SHOC1: variants seen among roughly 807,000 people sequenced by gnomAD.
The protein encoded by SHOC1 is protein shortage in chiasmata 1 ortholog.
In SHOC1, 136 loss-of-function variants were observed where a neutral mutation model predicts 179.2. The observed-to-expected ratio is 0.76, with a 90% CI of 0.66 to 0.87. The LOEUF (loss-of-function observed/expected upper bound fraction) is 0.87, where lower values mean the gene tolerates loss of function less well. SHOC1 is among the 40% of genes least tolerant of loss of function. The pLI, the probability that SHOC1 is intolerant of heterozygous loss-of-function variation, is 0.00. For missense variants in SHOC1, 1,538 were observed against 1,700.8 expected (o/e 0.90, Z 1.68); for synonymous variants, 489 against 586.6 (o/e 0.83, Z 2.41).
chr9:111,752,505 A>G (rs1193961976), intron 8 of SHOC1, among the ~76,000 whole-genome samples: 4 of 152,242 alleles, frequency 2.6e-5, no homozygotes, highest in African/African-American at 7.2e-5. Flanking sequence ...AGTTTCTGTA[A>G]TGTATCAGGT....
intron 8 of SHOC1, among the ~76,000 whole-genome samples, chr9:111,756,048 G>C (rs1353323595): frequency 6.6e-6 from 1 of 152,040 alleles, no homozygotes; most frequent in Non-Finnish European, 1.5e-5. Context: ...CTTGAACCTG[G>C]GAGGCGGAGG....
At chr9:111,712,916 G>A (rs12337339) in intron 18 of SHOC1, among the ~76,000 whole-genome samples, 184 bp downstream of exon 18, 8,693 of 152,166 alleles carry the variant, frequency 0.057, 634 homozygotes, top group African/African-American at 0.17. Context: ...TAGTGTATTT[G>A]TACTGCAAAC....
At chr9:111,702,643 T>A (rs891819453) in intron 22 of SHOC1, among the ~76,000 whole-genome samples, 3 of 152,206 alleles carry the variant, frequency 2.0e-5, no homozygotes, top group African/African-American at 7.2e-5. Flanking sequence ...TATGAGATGA[T>A]GTGCACTGCA....
chr9:111,749,041 G>A (rs1834442430), intron 8 of SHOC1, among the ~76,000 whole-genome samples: 1 of 123,188 alleles, frequency 8.1e-6, no homozygotes, highest in African/African-American at 3.1e-5. Context: ...TTCCCCAGCT[G>A]TCTGACACAT....
chr9:111,738,384 AT>A lies in SHOC1; in HGVS notation c.1312del (p.Met438TrpfsTer7), dbSNP rs1211537049. The stretch of plus-strand genomic sequence containing the variant: ...TGTATTCAGATGTTCCAATGTTTCC[AT>A]CATTTTCAGATTTAGTCCTGCTTGT... ...WKQAGLNLKM[M>X]ETLEHLNTYL... On this transcript the variant is annotated frameshift_variant, in exon 12 of 28. Transcript: ENST00000682961. LOFTEE classifies it high-confidence loss of function. The A allele has an allele frequency of 6.2e-7, 1 of 1,613,312 alleles. No individual in the cohort carries two copies. The highest frequency in any genetic ancestry group is 1.3e-5 in the African/African-American group (1 of 74,898).
chr9:111,768,378 A>G (rs1835434947), intron 5 of SHOC1, among the ~76,000 whole-genome samples: 1 of 152,066 alleles, frequency 6.6e-6, no homozygotes. Flanking sequence ...GCACACAGCC[A>G]CACCCAGCTA....
chr9:111,727,996 A>G lies in SHOC1; in HGVS notation c.1471T>C (p.Ser491Pro). 6.2e-7 allele frequency: 1 copy of G among 1,607,300 alleles called. No homozygotes were observed. ...GGAAGTGATAAATGAGCATTTGTAGATTTTTCATCAATAAGTGCAATAGGT... is the reference window on the plus strand; with the variant it reads ...GGAAGTGATAAATGAGCATTTGTAGGTTTTTCATCAATAAGTGCAATAGGT... ...SSPIALIDEK[S>P]TNAHLSLPQK... The change falls in exon 13 of 28, where the codon TCT becomes CCT. Residue 491 changes from serine (S) to proline (P), a missense_variant. Physicochemically the swap from Ser to Pro is moderately conservative, Grantham distance 74. Coordinates refer to ENST00000682961, the MANE Select transcript of SHOC1 (RefSeq NM_001378211.1).
At chr9:111,745,573 G>T (rs56993745) in intron 10 of SHOC1, among the ~76,000 whole-genome samples, 1,538 of 152,300 alleles carry the variant, frequency 0.01, 15 homozygotes, top group Middle Eastern at 0.044. Flanking sequence ...GGAGATTGGG[G>T]TATAGACAAT....
chr9:111,760,401 G>A (rs1835084120), intron 5 of SHOC1, among the ~76,000 whole-genome samples: 1 of 152,124 alleles, frequency 6.6e-6, no homozygotes, highest in Non-Finnish European at 1.5e-5. Flanking sequence ...CAGATATAAG[G>A]AGACTGTTTT....
At chr9:111,780,306 C>A (rs907744463) in intron 4 of SHOC1, among the ~76,000 whole-genome samples, 2 of 152,172 alleles carry the variant, frequency 1.3e-5, no homozygotes, top group Non-Finnish European at 1.5e-5. Context: ...GCGTTCTGTG[C>A]ATGAAGTGAA....
intron 5 of SHOC1, among the ~76,000 whole-genome samples, chr9:111,766,298 C>T (rs1353666754): frequency 2.0e-5 from 3 of 151,940 alleles, no homozygotes; most frequent in Non-Finnish European, 4.4e-5. Flanking sequence ...TATTCATCCA[C>T]TACTGGGCAC....
intron 8 of SHOC1, 136 bp from the exon 9 acceptor site, chr9:111,748,335 G>C (rs1194355759): frequency 1.6e-6 from 1 of 618,334 alleles, no homozygotes; most frequent in Non-Finnish European, 2.8e-6. Flanking sequence ...GAGAGAAGTA[G>C]AGATTTATAC....
intron 20 of SHOC1, 31 bp from the exon 21 acceptor site, chr9:111,705,395 CT>C (rs758853506): frequency 9.1e-7 from 1 of 1,096,046 alleles, no homozygotes; most frequent in South Asian, 1.8e-5. Flanking sequence ...AAATATTTCT[CT>C]TTTATTCTCA....
In SHOC1 at chr9:111,717,591, T is replaced by C. The variant is rs1832850613; in HGVS notation, c.2236+593A>G. 2.2e-5 allele frequency among the ~76,000 whole-genome samples: 3 copies of C among 138,100 alleles called. No homozygotes were observed. In the South Asian group the frequency reaches 6.6e-4, roughly 31 times the overall value. 90.6% of individuals were successfully genotyped at this position (138,100 alleles called of 152,430 possible). A position where few individuals can be genotyped will look rare whatever the true frequency, so the allele number is the denominator to read the frequency against. On this transcript the variant is annotated intron_variant, in intron 16 of 27. Coordinates refer to ENST00000682961, the MANE Select transcript of SHOC1 (RefSeq NM_001378211.1). ...ACCTGGGCAACAAAGCAAAACTCTGTCTCAAAAAAAAAAAAAAAAAGTCTA... is the reference window on the plus strand; with the variant it reads ...ACCTGGGCAACAAAGCAAAACTCTGCCTCAAAAAAAAAAAAAAAAAGTCTA...
At chr9:111,756,717 G>A (rs996674842) in intron 7 of SHOC1, among the ~76,000 whole-genome samples, 9 of 152,152 alleles carry the variant, frequency 5.9e-5, no homozygotes, top group African/African-American at 2.2e-4. Flanking sequence ...TACATTAGTG[G>A]TGTACAATAT....
At chr9:111,698,035 G>T (rs532707743) in intron 24 of SHOC1, among the ~76,000 whole-genome samples, 1 of 152,258 alleles carries the variant, frequency 6.6e-6, no homozygotes, top group African/African-American at 2.4e-5. Flanking sequence ...TTTTGATGGG[G>T]TTGTTTGATT....
intron 3 of SHOC1, among the ~76,000 whole-genome samples, chr9:111,784,418 G>A (rs564192934): frequency 7.2e-5 from 11 of 152,104 alleles, no homozygotes; most frequent in African/African-American, 9.7e-5. Flanking sequence ...TCACATCTCC[G>A]TTACTATAAG....
In SHOC1 at chr9:111,702,173, C is replaced by A; in HGVS notation, c.3021G>T (p.Leu1007=). ...ATCTGTACTGTAATGATAATGCCAT[C>A]AGCCTCATAATGATATTGTCTGATG... ...EKASDNIIMR[L]MALSLQYRYC... is the part of the protein sequence containing the mutation. The change falls in exon 23 of 28, where the codon CTG becomes CTT. Residue 1007 remains leucine (L), a synonymous_variant. Coordinates refer to ENST00000682961, the MANE Select transcript of SHOC1 (RefSeq NM_001378211.1). 1 of 1,481,562 alleles carries A rather than the reference C, an allele frequency of 6.7e-7. No individual in the cohort carries two copies. Among genetic ancestry groups the A allele is most frequent in the South Asian group, 1.1e-5 (1 of 86,970 alleles). The allele number at this position is 1,481,562 out of a possible 1,614,324, so 91.8% of individuals were successfully genotyped here.
chr9:111,751,067 C>T (rs560389709), intron 8 of SHOC1, among the ~76,000 whole-genome samples: 20 of 151,972 alleles, frequency 1.3e-4, no homozygotes, highest in African/African-American at 2.7e-4. Flanking sequence ...CATATAGCTC[C>T]GCCAGCTCCC....
Sources: allele counts gnomAD v4.1 joint callset (sites outside exome capture counted in the v4.1 genomes callset), GRCh38; gene constraint gnomAD v4.1.1; transcripts MANE v1.5; gene names NCBI Gene and HGNC (gene_info 2026-07-23, HGNC 2026-07-21).